PI4KA: variants seen among roughly 807,000 people sequenced by gnomAD.
The protein encoded by PI4KA is phosphatidylinositol 4-kinase alpha, also known as PI4-kinase alpha.
In PI4KA, 122 loss-of-function variants were observed where a neutral mutation model predicts 271.4. The observed-to-expected ratio is 0.45, with a 90% confidence interval of 0.39 to 0.52. The LOEUF is 0.52. Among genes scored for constraint, PI4KA ranks in the 20% least tolerant of loss-of-function variants. The pLI is 0.00. For synonymous variants in PI4KA, 1,041 were observed against 1,078.8 expected (o/e 0.96, Z 0.69); for missense variants, 1,969 against 2,769.1 (o/e 0.71, Z 6.48).
At chr22:20,770,644 G>C (rs1377071068) in intron 19 of PI4KA, among the ~76,000 whole-genome samples, 1 of 142,626 alleles carries the variant, frequency 7.0e-6, no homozygotes, top group Non-Finnish European at 1.5e-5. Flanking sequence ...GCTGGACACA[G>C]AGACACACAC....
rs138077566 is a variant in PI4KA, at chr22:20,791,136, T to C, written c.2328+2057A>G. Reference sequence around the variant, plus strand: ...CTCACTGCTTCCCTAAAGTGCAAAGTGCCCGACAGATTTCCACTATGCATA... The same window carrying C: ...CTCACTGCTTCCCTAAAGTGCAAAGCGCCCGACAGATTTCCACTATGCATA... On this transcript the variant is annotated intron_variant, in intron 19 of 54. Transcript: ENST00000255882. Among the ~76,000 whole-genome samples, 165 of 152,324 alleles carry C rather than the reference T, an allele frequency of 1.1e-3. 1 individual carries two copies. The highest frequency in any genetic ancestry group is 3.8e-3 in the African/African-American group (157 of 41,566).
chr22:20,780,080 T>C (rs1379321511), intron 19 of PI4KA: 2 of 1,614,044 alleles, frequency 1.2e-6, no homozygotes, highest in African/African-American at 2.7e-5. Context: ...TCTCAGACCC[T>C]GCCTTCATAT....
chr22:20,740,872 C>T (rs559679401), intron 32 of PI4KA, among the ~76,000 whole-genome samples: 2 of 152,216 alleles, frequency 1.3e-5, no homozygotes, highest in South Asian at 2.1e-4. Context: ...AAAAATAATC[C>T]ATATGCATCA....
At chr22:20,763,019 G>C (rs28401408) in intron 22 of PI4KA, among the ~76,000 whole-genome samples, 2 of 76,694 alleles carry the variant, frequency 2.6e-5, no homozygotes, top group East Asian at 5.2e-4. Flanking sequence ...TTTTTTTTTG[G>C]GGGGGGGGGG....
intron 23 of PI4KA, among the ~76,000 whole-genome samples, chr22:20,753,533 A>T (rs1482110344): frequency 1.3e-5 from 2 of 152,218 alleles, no homozygotes; most frequent in Non-Finnish European, 2.9e-5. Context: ...GTGACTCCTC[A>T]GTCTGTCAAT....
chr22:20,845,125 ATGAC>A (rs1300784739), intron 1 of PI4KA, among the ~76,000 whole-genome samples: 1 of 152,220 alleles, frequency 6.6e-6, no homozygotes, highest in African/African-American at 2.4e-5. Flanking sequence ...GGCAACAAAT[ATGAC>A]TGACTTAGAC....
At chr22:20,719,455 TG>T (rs1442970612) in intron 43 of PI4KA, among the ~76,000 whole-genome samples, 1 of 150,888 alleles carries the variant, frequency 6.6e-6, no homozygotes, top group Non-Finnish European at 1.5e-5. Context: ...TGTGATGAAA[TG>T]GGATGTGCAC....
At chr22:20,807,575 C>T (rs965098655) in intron 9 of PI4KA, 117 bp from the exon 10 acceptor site, 18 of 642,652 alleles carry the variant, frequency 2.8e-5, no homozygotes, top group Non-Finnish European at 4.2e-5. Context: ...CTAAATGAAG[C>T]AACTGTTTAT....
chr22:20,714,694 T>G lies in PI4KA; in HGVS notation c.5324A>C (p.Tyr1775Ser). 4.3e-6 allele frequency: 7 copies of G among 1,613,858 alleles called. No homozygotes were observed. The highest frequency in any genetic ancestry group is 2.2e-5 in the East Asian group (1 of 44,874). The change falls in exon 46 of 55, where the codon TAC becomes TCC. Residue 1775 changes from tyrosine (Y) to serine (S), a missense_variant. Physicochemically the swap from Tyr to Ser is moderately radical, Grantham distance 144. Around this residue, in one of 13 missense-constraint regions of PI4KA, gnomAD observed 388 missense variants for 521.5 expected, o/e 0.74. Coordinates refer to ENST00000255882, the MANE Select transcript of PI4KA (RefSeq NM_058004.4). ...AATGGCCTCAGGGTTGCTGGGCAGG[T>G]AGCAGCCTGTGCAGGGACAGAGGCA... ...LSEVKVQPGC[Y>S]LPSNPEAIVL...
intron 3 of PI4KA, among the ~76,000 whole-genome samples, chr22:20,833,197 G>A (rs1357415764): frequency 6.6e-6 from 1 of 152,120 alleles, no homozygotes; most frequent in African/African-American, 2.4e-5. Flanking sequence ...CTCCAACACT[G>A]GGGGGCTGGT....
chr22:20,718,461 T>G (rs536428414), intron 44 of PI4KA, among the ~76,000 whole-genome samples: 48 of 152,324 alleles, frequency 3.2e-4, no homozygotes, highest in African/African-American at 1.2e-3. Context: ...TTCCTGAAAC[T>G]GGCGTGGCCG....
At chr22:20,789,729 T>C (rs888548764) in intron 19 of PI4KA, among the ~76,000 whole-genome samples, 6 of 152,218 alleles carry the variant, frequency 3.9e-5, no homozygotes, top group African/African-American at 1.4e-4. Context: ...CCTTCTTAAC[T>C]GGGGAGCCTT....
At chr22:20,783,962 G>A (rs369065801) in intron 19 of PI4KA, 6 of 1,614,070 alleles carry the variant, frequency 3.7e-6, no homozygotes, top group African/African-American at 1.3e-5. Flanking sequence ...TCTTCCTGTG[G>A]CCTTTACAGG....
At chr22:20,842,469 A>C (rs1925677840) in intron 1 of PI4KA, among the ~76,000 whole-genome samples, 1 of 152,226 alleles carries the variant, frequency 6.6e-6, no homozygotes, top group African/African-American at 2.4e-5. Context: ...AACAAAACTC[A>C]AAGCCTACTG....
intron 6 of PI4KA, among the ~76,000 whole-genome samples, chr22:20,819,432 T>C (rs1922300593): frequency 6.6e-6 from 1 of 152,072 alleles, no homozygotes; most frequent in African/African-American, 2.4e-5. Context: ...TTGTTTTATA[T>C]TTTTATGGCC....
chr22:20,710,083 C>G, intron 52 of PI4KA, 86 bp from the exon 53 acceptor site: 1 of 748,324 alleles, frequency 1.3e-6, no homozygotes, highest in South Asian at 1.4e-5. Context: ...CTGATGCCAA[C>G]AGCCTCAGGT....
At chr22:20,804,232 G>C in intron 12 of PI4KA, 68 bp downstream of exon 12, 1 of 1,067,700 alleles carries the variant, frequency 9.4e-7, no homozygotes, top group Admixed American at 1.7e-5. Context: ...AGCCTGAACA[G>C]CAACAGCGTG....
chr22:20,811,840 T>C (rs165689), intron 8 of PI4KA, among the ~76,000 whole-genome samples: 73,322 of 151,238 alleles, frequency 0.48, 18,224 homozygotes, highest in African/African-American at 0.57. Context: ...GGTGAAACCC[T>C]GTTTCTACTA....
At chr22:20,725,014 T>C (rs1225015394) in intron 42 of PI4KA, among the ~76,000 whole-genome samples, 2 of 152,184 alleles carry the variant, frequency 1.3e-5, no homozygotes, top group Non-Finnish European at 2.9e-5. Flanking sequence ...CACTACCTAG[T>C]GAGGGCAGTG....
Sources: allele counts gnomAD v4.1 joint callset (sites outside exome capture counted in the v4.1 genomes callset), GRCh38; gene constraint gnomAD v4.1.1; regional missense constraint gnomAD v4.1.1; transcripts MANE v1.5; gene names NCBI Gene and HGNC (gene_info 2026-07-23, HGNC 2026-07-21).